EEFSEC: variants seen among roughly 807,000 people sequenced by gnomAD.
EEFSEC encodes the protein selenocysteine-specific elongation factor.
EEFSEC carries 43 observed loss-of-function variants against 42.1 expected under a neutral mutation model. The ratio of observed to expected loss-of-function variants is 1.02; its 90% confidence interval spans 0.80 to 1.32. EEFSEC has a LOEUF of 1.32. EEFSEC is among the 40% of genes most tolerant of loss of function. The pLI is 0.00. For synonymous variants in EEFSEC, 354 were observed against 339.1 expected, an observed-to-expected ratio of 1.04 and a Z score of -0.48; for missense variants, 745 against 803.6, an observed-to-expected ratio of 0.93 and a Z score of 0.88.
At chr3:128,209,552 C>T (rs2065734573) in intron 1 of EEFSEC, among the ~76,000 whole-genome samples, 1 of 152,172 alleles carries the variant, frequency 6.6e-6, no homozygotes, top group Non-Finnish European at 1.5e-5. Flanking sequence ...CTTACAGGCT[C>T]AATGCCATAT....
intron 1 of EEFSEC, among the ~76,000 whole-genome samples, chr3:128,159,284 G>A (rs1418592970): frequency 1.3e-5 from 2 of 152,156 alleles, no homozygotes; most frequent in African/African-American, 4.8e-5. Context: ...ACCTAACTCC[G>A]CCACCCCTAA....
At chr3:128,386,874 T>C (rs558114064) in intron 6 of EEFSEC, among the ~76,000 whole-genome samples, 3 of 152,324 alleles carry the variant, frequency 2.0e-5, no homozygotes, top group Admixed American at 6.5e-5. Context: ...TCCGTGCCCA[T>C]GATCTAACAC....
intron 1 of EEFSEC, among the ~76,000 whole-genome samples, chr3:128,168,643 C>G (rs1222298473): frequency 1.3e-5 from 2 of 152,200 alleles, no homozygotes; most frequent in African/African-American, 4.8e-5. Flanking sequence ...ACAGGAAGCC[C>G]AAGACACCCA....
chr3:128,336,024 G>A (rs1360260932), intron 4 of EEFSEC, among the ~76,000 whole-genome samples: 1 of 152,122 alleles, frequency 6.6e-6, no homozygotes, highest in Non-Finnish European at 1.5e-5. Flanking sequence ...GCAGTTGGGT[G>A]TAAGTCTGTA....
At chr3:128,423,582 A>G in the EEFSEC span, among the ~76,000 whole-genome samples, 2 of 152,366 alleles carry the variant, frequency 1.3e-5, no homozygotes, top group Middle Eastern at 3.4e-3. Flanking sequence ...ACCAATCGTG[A>G]AAGGCCACAT....
At chr3:128,244,801 T>G (rs1212080460) in intron 1 of EEFSEC, among the ~76,000 whole-genome samples, 1 of 152,146 alleles carries the variant, frequency 6.6e-6, no homozygotes, top group African/African-American at 2.4e-5. Context: ...CACGTATACC[T>G]TATCCCCTTT....
intron 1 of EEFSEC, among the ~76,000 whole-genome samples, chr3:128,171,555 A>G (rs545304875): frequency 1.3e-5 from 2 of 152,154 alleles, no homozygotes; most frequent in Non-Finnish European, 2.9e-5. Context: ...GCATTTGAAG[A>G]TGTGGGCTTC....
At chr3:128,332,875 C>T (rs902119296) in intron 4 of EEFSEC, among the ~76,000 whole-genome samples, 2 of 152,066 alleles carry the variant, frequency 1.3e-5, no homozygotes, top group Non-Finnish European at 2.9e-5. Flanking sequence ...CAGCCTAGGT[C>T]GAAGAAGAGG....
intron 4 of EEFSEC, among the ~76,000 whole-genome samples, chr3:128,315,571 TG>T (rs985041239): frequency 1.3e-5 from 2 of 152,182 alleles, no homozygotes; most frequent in Non-Finnish European, 2.9e-5. Flanking sequence ...CCTGAGCTCC[TG>T]GGGAGGCCCA....
chr3:128,297,241 A>G (rs2066716468), intron 4 of EEFSEC, among the ~76,000 whole-genome samples: 1 of 152,028 alleles, frequency 6.6e-6, no homozygotes, highest in Non-Finnish European at 1.5e-5. Context: ...ACAGCTTGTG[A>G]GGGCTCACCG....
At chr3:128,239,607 T>C (rs1275345903) in intron 1 of EEFSEC, among the ~76,000 whole-genome samples, 2 of 152,210 alleles carry the variant, frequency 1.3e-5, no homozygotes, top group Non-Finnish European at 2.9e-5. Context: ...CACCCCTCTC[T>C]ATGAATTCCT....
chr3:128,314,842 T>G (rs546881789), intron 4 of EEFSEC, among the ~76,000 whole-genome samples: 2 of 152,314 alleles, frequency 1.3e-5, no homozygotes, highest in South Asian at 4.1e-4. Context: ...TGAGAACCAC[T>G]GCTCCAGTGG....
intron 1 of EEFSEC, among the ~76,000 whole-genome samples, chr3:128,210,781 G>C (rs2065747940): frequency 6.6e-6 from 1 of 152,232 alleles, no homozygotes; most frequent in South Asian, 2.1e-4. Flanking sequence ...TTTTGGTATA[G>C]AAAATGCTGA....
intron 1 of EEFSEC, among the ~76,000 whole-genome samples, chr3:128,209,852 T>TCATC (rs1332248645): frequency 6.6e-6 from 1 of 152,242 alleles, no homozygotes; most frequent in Non-Finnish European, 1.5e-5. Context: ...TGAGACTTGC[T>TCATC]CATCGTTCAA....
At chr3:128,324,003 T>A (rs2108043213) in intron 4 of EEFSEC, among the ~76,000 whole-genome samples, 1 of 152,314 alleles carries the variant, frequency 6.6e-6, no homozygotes. Context: ...GGCTCCCCAC[T>A]GGCCTCCATC....
intron 4 of EEFSEC, among the ~76,000 whole-genome samples, chr3:128,293,753 C>G (rs1352637578): frequency 6.6e-6 from 1 of 151,774 alleles, no homozygotes; most frequent in Admixed American, 6.6e-5. Context: ...TTAGAATGCC[C>G]TTTGTCACTT....
chr3:128,154,282 G>A (rs1944327613), intron 1 of EEFSEC, among the ~76,000 whole-genome samples: 2 of 151,956 alleles, frequency 1.3e-5, no homozygotes, highest in Admixed American at 6.5e-5. Context: ...GTCAATACAA[G>A]CATATCTGTG....
At chr3:128,366,021 C>T (rs1332479404) in intron 6 of EEFSEC, among the ~76,000 whole-genome samples, 1 of 152,184 alleles carries the variant, frequency 6.6e-6, no homozygotes, top group African/African-American at 2.4e-5. Flanking sequence ...AACAGATTGT[C>T]AGGGGCTCTC....
At chr3:128,171,380 G>T (rs1005074857) in intron 1 of EEFSEC, among the ~76,000 whole-genome samples, 4 of 152,080 alleles carry the variant, frequency 2.6e-5, no homozygotes, top group African/African-American at 9.7e-5. Context: ...AATATGGTTT[G>T]CAGGCTTGTA....
Sources: allele counts gnomAD v4.1 joint callset (sites outside exome capture counted in the v4.1 genomes callset), GRCh38; gene constraint gnomAD v4.1.1; transcripts MANE v1.5; gene names NCBI Gene and HGNC (gene_info 2026-07-23, HGNC 2026-07-21).